Variants in DAB2 observed in about 807,000 individuals in gnomAD.
DAB2 encodes disabled homolog 2.
DAB2 carries 28 observed loss-of-function variants against 71.6 expected under a neutral mutation model. The ratio of observed to expected loss-of-function variants is 0.39; its 90% CI spans 0.29 to 0.54. DAB2 has a LOEUF of 0.54. Ranked by LOEUF, DAB2 falls within the 20% of genes least tolerant of loss-of-function variation. The probability of loss-of-function intolerance (pLI) is 0.68; values close to 1 mark genes in which losing one functional copy is unlikely to be tolerated. For synonymous variants in DAB2, 345 were observed against 339.7 expected, an observed-to-expected ratio of 1.02 and a Z score of -0.17; for missense variants, 867 against 928.8, an observed-to-expected ratio of 0.93 and a Z score of 0.86.
At chr5:39,416,670 G>A (rs1755852696) in intron 1 of DAB2, among the ~76,000 whole-genome samples, 1 of 152,020 alleles carries the variant, frequency 6.6e-6, no homozygotes, top group Non-Finnish European at 1.5e-5. Flanking sequence ...GGCCACTCAA[G>A]ATGTGTGGTC....
chr5:39,413,997 T>C (rs1307203999), intron 1 of DAB2, among the ~76,000 whole-genome samples: 1 of 152,178 alleles, frequency 6.6e-6, no homozygotes, highest in Non-Finnish European at 1.5e-5. Flanking sequence ...ACTTTCATCT[T>C]AGGCATCATT....
intron 8 of DAB2, 50 bp downstream of exon 8, chr5:39,388,749 C>G (rs766957823): frequency 1.4e-6 from 2 of 1,456,208 alleles, no homozygotes; most frequent in South Asian, 2.3e-5. Context: ...GGAAGTAGAA[C>G]CCATGTTCAG....
At position 39,422,589 on chromosome 5, in the gene DAB2, T is replaced by C. The variant is rs557381803; in HGVS notation, c.-102+2215A>G. Among the ~76,000 whole-genome samples the C allele has an allele frequency of 6.6e-6, 1 of 152,292 alleles. No homozygotes were observed. Among genetic ancestry groups the C allele is most frequent in the South Asian group, 2.1e-4 (1 of 4,824 alleles). On this transcript the variant is annotated intron_variant, in intron 1 of 14. Coordinates refer to ENST00000320816, the MANE Select transcript of DAB2 (RefSeq NM_001343.4). The surrounding 1 kb of genome is among the most constrained non-coding windows in gnomAD (Gnocchi z 4.1). Reference sequence around the variant, plus strand: ...AGAAATGAAGCAGCATAAGAGCCTATGTCACAGCAAAGCCTCCTGCTTGGC... The same window carrying C: ...AGAAATGAAGCAGCATAAGAGCCTACGTCACAGCAAAGCCTCCTGCTTGGC...
At chr5:39,385,298 T>C (rs1755074438) in intron 9 of DAB2, 1 of 152,218 alleles carries the variant, frequency 6.6e-6, no homozygotes, top group Admixed American at 6.5e-5. Flanking sequence ...TTTATTTATT[T>C]GTTTTGAGCC....
chr5:39,411,992 A>T (rs1372701016), intron 1 of DAB2, among the ~76,000 whole-genome samples: 1 of 152,140 alleles, frequency 6.6e-6, no homozygotes, highest in African/African-American at 2.4e-5. Flanking sequence ...CTACTTTTAG[A>T]GTTAATTATC....
intron 4 of DAB2, among the ~76,000 whole-genome samples, chr5:39,391,589 G>A (rs1755228192): frequency 6.6e-6 from 1 of 152,036 alleles, no homozygotes; most frequent in African/African-American, 2.4e-5. Flanking sequence ...TCACAGTATC[G>A]TGATGCGAGA....
In DAB2 at chr5:39,382,961, T is replaced by C. The variant is rs1755015846; in HGVS notation, c.998A>G (p.Asn333Ser). ...NSSSSSTPLS[N>S]GPLNGDVDYF... ...GTCAACATCACCATTCAGGGGCCCA[T>C]TACTCAGCGGAGTAGACGAGCTACT... Residue 333 changes from asparagine (N) to serine (S), a missense_variant, in exon 10 of 15, where the codon AAT becomes AGT. Physicochemically the swap from Asn to Ser is conservative, Grantham distance 46. Transcript: ENST00000320816. 1 of 1,614,138 alleles carries C rather than the reference T, an allele frequency of 6.2e-7. No individual in the cohort carries two copies. The highest frequency in any genetic ancestry group is 8.5e-7 in the Non-Finnish European group (1 of 1,180,030).
At chr5:39,374,819 G>T in intron 14 of DAB2, 195 bp downstream of exon 14, 2 of 554,992 alleles carry the variant, frequency 3.6e-6, no homozygotes, top group African/African-American at 2.0e-5. Context: ...TTTTTGATGT[G>T]TTTAGGAATT....
chr5:39,375,959 T>C, intron 13 of DAB2, 38 bp downstream of exon 13: 1 of 1,462,774 alleles, frequency 6.8e-7, no homozygotes, highest in Non-Finnish European at 9.6e-7. Flanking sequence ...CTATGTGGCA[T>C]GTACTTTGGA....
intron 1 of DAB2, among the ~76,000 whole-genome samples, chr5:39,415,922 A>G (rs946877533): frequency 6.6e-6 from 1 of 152,174 alleles, no homozygotes; most frequent in Non-Finnish European, 1.5e-5. Flanking sequence ...AAAGATCCAC[A>G]ACAGTACTGT....
intron 10 of DAB2, among the ~76,000 whole-genome samples, 191 bp from the exon 11 acceptor site, chr5:39,381,807 G>A (rs1049589929): frequency 2.0e-5 from 3 of 152,124 alleles, no homozygotes; most frequent in Non-Finnish European, 4.4e-5. Flanking sequence ...TTCCTACAAC[G>A]GACGGACTAC....
intron 1 of DAB2, chr5:39,408,537 T>C (rs981323714): frequency 6.6e-6 from 1 of 152,200 alleles, no homozygotes; most frequent in Non-Finnish European, 1.5e-5. Context: ...TCCCAGTGGC[T>C]ATGAATAGCT....
chr5:39,383,401 A>G (rs1755029005), intron 9 of DAB2, 130 bp from the exon 10 acceptor site: 1 of 729,700 alleles, frequency 1.4e-6, no homozygotes, highest in Non-Finnish European at 2.2e-6. Flanking sequence ...TCGGTTGATC[A>G]TTACCTCCTT....
chr5:39,403,705 GT>G (rs1219486147), intron 1 of DAB2, among the ~76,000 whole-genome samples: 4 of 142,020 alleles, frequency 2.8e-5, no homozygotes, highest in Non-Finnish European at 6.1e-5. Flanking sequence ...TTTAGTTTTA[GT>G]TTTTTTGGAA....
At chr5:39,386,612 C>CT (rs2112045337) in intron 9 of DAB2, among the ~76,000 whole-genome samples, 1 of 152,254 alleles carries the variant, frequency 6.6e-6, no homozygotes, top group African/African-American at 2.4e-5. Flanking sequence ...AATTCTTAGA[C>CT]TTCATAAAGT....
rs139573999 is a variant in DAB2, at chr5:39,415,119, T to G, written c.-102+9685A>C. Among the ~76,000 whole-genome samples, 430 of 152,288 alleles carry G rather than the reference T, an allele frequency of 2.8e-3. 3 individuals carry two copies. The highest frequency in any genetic ancestry group is 0.01 in the African/African-American group (419 of 41,570). On this transcript the variant is annotated intron_variant, in intron 1 of 14. Coordinates refer to ENST00000320816, the MANE Select transcript of DAB2 (RefSeq NM_001343.4). ...CATCAAGGAATTATATATAAATTGCTGTATTGATATCAATTATGGAAAGAT... is the reference window on the plus strand; with the variant it reads ...CATCAAGGAATTATATATAAATTGCGGTATTGATATCAATTATGGAAAGAT...
At chr5:39,378,959 G>A (rs1437598977) in intron 11 of DAB2, among the ~76,000 whole-genome samples, 1 of 152,112 alleles carries the variant, frequency 6.6e-6, no homozygotes, top group Non-Finnish European at 1.5e-5. Flanking sequence ...CTCTAAAAAT[G>A]GGTTTAGTTT....
chr5:39,380,709 A>G (rs1430468424), intron 11 of DAB2, among the ~76,000 whole-genome samples: 2 of 152,214 alleles, frequency 1.3e-5, no homozygotes, highest in African/African-American at 4.8e-5. Context: ...AGCGGCTCAC[A>G]CAAGCTAATG....
rs1754717505 is a variant in DAB2 at position 39,372,290 on chromosome 5, C to T, written c.*1141G>A. The T allele has an allele frequency of 6.6e-6, 1 of 152,054 alleles. No homozygotes were observed. The allele number at this position is 152,054 out of a possible 1,614,324, so 9.4% of individuals were successfully genotyped here. ...ACATTTGTTCTACAGCTTTTTCTCC[C>T]CTCTTATCTTCCTACTAACGACATT... On this transcript the variant is annotated 3_prime_UTR_variant, in exon 15 of 15. Coordinates refer to ENST00000320816, the MANE Select transcript of DAB2 (RefSeq NM_001343.4).
Sources: allele counts gnomAD v4.1 joint callset (sites outside exome capture counted in the v4.1 genomes callset), GRCh38; gene constraint gnomAD v4.1.1; non-coding constraint Gnocchi (gnomAD v3.1); transcripts MANE v1.5; gene names NCBI Gene and HGNC (gene_info 2026-07-23, HGNC 2026-07-21).